The following MAF variants were observed in gnomAD, a reference collection of about 807,000 sequenced individuals.
The protein encoded by MAF is MAF bZIP transcription factor, also known as transcription factor Maf.
MAF carries 10 observed loss-of-function variants against 22.0 expected under a neutral mutation model. The ratio of observed to expected loss-of-function variants is 0.45; its 90% CI spans 0.28 to 0.77. The LOEUF (loss-of-function observed/expected upper bound fraction) is 0.77. Ranked by LOEUF, MAF falls within the 30% of genes least tolerant of loss-of-function variation. MAF has a pLI of 0.12. For synonymous variants in MAF, 337 were observed against 255.8 expected (o/e 1.32, Z -3.03); for missense variants, 544 against 548.4 (o/e 0.99, Z 0.08).
the MAF span, among the ~76,000 whole-genome samples, chr16:79,578,359 G>A: frequency 1.2e-4 from 19 of 152,070 alleles, 1 homozygote; most frequent in African/African-American, 4.6e-4. Flanking sequence ...CAGTATTAAT[G>A]AATCCAAAGG....
At chr16:79,210,463 G>T in the MAF span, among the ~76,000 whole-genome samples, 20 of 152,276 alleles carry the variant, frequency 1.3e-4, no homozygotes, top group Non-Finnish European at 2.4e-4. Context: ...TAAGCTTTGG[G>T]TCGGGTCGGA....
the MAF span, among the ~76,000 whole-genome samples, chr16:79,272,886 T>A: frequency 2.0e-5 from 3 of 152,182 alleles, no homozygotes; most frequent in Non-Finnish European, 2.9e-5. Context: ...TTTTGCTTGA[T>A]TGACCCCCTT....
the MAF span, among the ~76,000 whole-genome samples, chr16:79,434,083 G>A: frequency 6.6e-6 from 1 of 152,132 alleles, no homozygotes. Flanking sequence ...AGTCAAATAG[G>A]CTTTGACATA....
the MAF span, among the ~76,000 whole-genome samples, chr16:79,353,923 C>G: frequency 6.6e-6 from 1 of 152,204 alleles, no homozygotes; most frequent in Non-Finnish European, 1.5e-5. Flanking sequence ...TCACTGCACA[C>G]TTACCAGCAT....
the MAF span, among the ~76,000 whole-genome samples, chr16:79,247,745 G>A: frequency 6.6e-6 from 1 of 151,960 alleles, no homozygotes; most frequent in African/African-American, 2.4e-5. Flanking sequence ...GTTTTTTTTG[G>A]ACATGCTTGA....
In MAF at chr16:79,595,529, AAG is replaced by A. The variant is rs1170692101; in HGVS notation, c.1119-978_1119-977del. 7 of 1,059,760 alleles carry A rather than the reference AAG, an allele frequency of 6.6e-6. No individual in the cohort carries two copies. In the African/African-American group the frequency reaches 9.9e-5, roughly 15 times the overall value. The allele number at this position is 1,059,760 out of a possible 1,614,324, so 65.6% of individuals were successfully genotyped here. On this transcript the variant is annotated intron_variant, in intron 1 of 1. Coordinates refer to ENST00000326043, the MANE Select transcript of MAF (RefSeq NM_005360.5). Reference sequence around the variant, plus strand: ...ATTGGTGTGCTAGGGGAAGATGACTAAGAGTGCAAACTGCATGAATTTGTAAC... The same window carrying A: ...ATTGGTGTGCTAGGGGAAGATGACTAAGTGCAAACTGCATGAATTTGTAAC...
chr16:79,213,413 GATA>G, the MAF span, among the ~76,000 whole-genome samples: 311 of 152,324 alleles, frequency 2.0e-3, no homozygotes, highest in African/African-American at 7.3e-3. Flanking sequence ...CTATGAATCA[GATA>G]ATGTCACTTT....
At chr16:79,243,283 T>G in the MAF span, among the ~76,000 whole-genome samples, 2 of 151,398 alleles carry the variant, frequency 1.3e-5, no homozygotes, top group African/African-American at 2.4e-5. Context: ...TCTTTTTTAT[T>G]TTTTTATTTT....
chr16:79,485,843 G>T, the MAF span, among the ~76,000 whole-genome samples: 1 of 152,144 alleles, frequency 6.6e-6, no homozygotes, highest in Admixed American at 6.5e-5. Flanking sequence ...GCGGCCAGCG[G>T]CTGGCAGAGA....
At chr16:79,583,492 G>A (rs1912652362), downstream of MAF, among the ~76,000 whole-genome samples, 1 of 152,162 alleles carries the variant, frequency 6.6e-6, no homozygotes, top group Non-Finnish European at 1.5e-5. Context: ...TGTCCCACCT[G>A]CCCTGCCCTG....
the MAF span, among the ~76,000 whole-genome samples, chr16:79,461,509 C>G: frequency 6.6e-6 from 1 of 152,132 alleles, no homozygotes. Flanking sequence ...AGCCCTCACG[C>G]GCCAGGCCAA....
chr16:79,474,159 T>A, the MAF span, among the ~76,000 whole-genome samples: 1 of 152,104 alleles, frequency 6.6e-6, no homozygotes, highest in African/African-American at 2.4e-5. Context: ...TAACCTAGAA[T>A]TATTTGTGGT....
At chr16:79,439,257 CTTTTTTTTTTTTT>C in the MAF span, among the ~76,000 whole-genome samples, 1 of 130,804 alleles carries the variant, frequency 7.6e-6, no homozygotes, top group African/African-American at 2.9e-5. Context: ...TAGGTACTTA[CTTTTTTTTTTTTT>C]TTTTTTTTTG....
At chr16:79,319,899 G>A in the MAF span, among the ~76,000 whole-genome samples, 1 of 152,164 alleles carries the variant, frequency 6.6e-6, no homozygotes. Flanking sequence ...TGATCAGGAT[G>A]GTTGGAGATG....
chr16:79,241,676 T>A, the MAF span, among the ~76,000 whole-genome samples: 2 of 151,878 alleles, frequency 1.3e-5, no homozygotes, highest in African/African-American at 4.8e-5. Context: ...ACATTCAAAT[T>A]CAGGAAATAC....
chr16:79,437,264 GT>G, the MAF span, among the ~76,000 whole-genome samples: 1 of 152,104 alleles, frequency 6.6e-6, no homozygotes, highest in Non-Finnish European at 1.5e-5. Context: ...CTTCGCTTGT[GT>G]TGCAATCCTA....
the MAF span, among the ~76,000 whole-genome samples, chr16:79,431,935 T>C: frequency 3.3e-5 from 5 of 152,214 alleles, no homozygotes; most frequent in African/African-American, 7.2e-5. Flanking sequence ...GCTGCCAGTA[T>C]AGTAGTTCCC....
chr16:79,587,842 C>T (rs149524710), intron 1 of MAF, among the ~76,000 whole-genome samples: 2 of 146,716 alleles, frequency 1.4e-5, no homozygotes, highest in Non-Finnish European at 3.0e-5. Context: ...GGGAAACCAC[C>T]CTGTTATCAA....
the MAF span, among the ~76,000 whole-genome samples, chr16:79,522,117 G>C: frequency 1.3e-5 from 2 of 152,140 alleles, no homozygotes; most frequent in East Asian, 1.9e-4. Context: ...GGTGGACAGA[G>C]AAACCATGAG....
Sources: allele counts gnomAD v4.1 joint callset (sites outside exome capture counted in the v4.1 genomes callset), GRCh38; gene constraint gnomAD v4.1.1; transcripts MANE v1.5; gene names NCBI Gene and HGNC (gene_info 2026-07-23, HGNC 2026-07-21).